Variants in COL18A1 observed in about 807,000 individuals in gnomAD.
COL18A1 encodes the protein collagen type XVIII alpha 1 chain, also known as collagen alpha-1(XVIII) chain.
Under a neutral mutation model 168.0 loss-of-function variants are expected in COL18A1, and 133 were observed. That is an observed-to-expected ratio of 0.79 (90% CI 0.69 to 0.91). The LOEUF (loss-of-function observed/expected upper bound fraction) is 0.91. Ranked by LOEUF, COL18A1 falls within the 40% of genes least tolerant of loss-of-function variation. The pLI is 0.00. For synonymous variants in COL18A1, 949 were observed against 809.0 expected, an observed-to-expected ratio of 1.17 and a Z score of -2.94; for missense variants, 2,126 against 1,925.4, an observed-to-expected ratio of 1.10 and a Z score of -1.95.
chr21:45,497,688 G>A (rs769006867), intron 32 of COL18A1, 27 bp downstream of exon 32: 3 of 1,555,606 alleles, frequency 1.9e-6, no homozygotes, highest in South Asian at 1.2e-5. Flanking sequence ...ATCCCAGGCA[G>A]GAGAGCCATG....
chr21:45,448,490 T>C (rs566052593), intron 2 of COL18A1, among the ~76,000 whole-genome samples: 1 of 152,244 alleles, frequency 6.6e-6, no homozygotes, highest in Non-Finnish European at 1.5e-5. Flanking sequence ...CAGATATCCA[T>C]GCATGCATGT....
chr21:45,455,459 G>C, intron 2 of COL18A1: 1 of 1,595,788 alleles, frequency 6.3e-7, no homozygotes, highest in Non-Finnish European at 8.5e-7. Context: ...GCAGGAGGGC[G>C]TGAGCCTGGC....
chr21:45,488,603 CAG>C (rs1204812193), intron 18 of COL18A1, among the ~76,000 whole-genome samples, 159 bp downstream of exon 18: 1 of 152,126 alleles, frequency 6.6e-6, no homozygotes, highest in Non-Finnish European at 1.5e-5. Flanking sequence ...AAAAGCCTGA[CAG>C]GGAAATAATC....
In COL18A1 at chr21:45,489,594, A is replaced by G. The variant is rs1485342139; in HGVS notation, c.1959+73A>G. 5.9e-6 allele frequency: 6 copies of G among 1,024,330 alleles called. No homozygotes were observed. In the Admixed American group the frequency reaches 1.3e-4, roughly 22 times the overall value. 63.5% of individuals were successfully genotyped at this position (1,024,330 alleles called of 1,614,324 possible). A position where few individuals can be genotyped will look rare whatever the true frequency, so the allele number is the denominator to read the frequency against. On this transcript the variant is annotated intron_variant, in intron 19 of 41. Coordinates refer to ENST00000651438, the MANE Select transcript of COL18A1 (RefSeq NM_001379500.1). ...AGGGCCCAGCCGGACACCTGCGGAG[A>G]TCAGCTCGGGGCGGCCTTCCCCGCT... is the stretch of plus-strand genomic sequence containing the variant.
chr21:45,488,462 C>G lies in COL18A1; in HGVS notation c.1923+18C>G, dbSNP rs2036191197. 1.9e-6 allele frequency: 3 copies of G among 1,613,892 alleles called. No homozygotes were observed. Among genetic ancestry groups the G allele is most frequent in the Non-Finnish European group, 2.5e-6 (3 of 1,179,986 alleles). ...GACTTAAGGTCAGTGACGGATATGTCTGGGTTTCTGTGGTTGCTGGCTTGG... is the reference window on the plus strand; with the variant it reads ...GACTTAAGGTCAGTGACGGATATGTGTGGGTTTCTGTGGTTGCTGGCTTGG... On this transcript the variant is annotated intron_variant, in intron 18 of 41. Transcript: ENST00000651438.
rs1436760116 is a variant in COL18A1 at position 45,510,949 on chromosome 21, ACAACACCC to A, written c.3694-159_3694-152del. Among the ~76,000 whole-genome samples, 100 of 46,024 alleles carry A rather than the reference ACAACACCC, an allele frequency of 2.2e-3. 2 individuals carry two copies. The highest frequency in any genetic ancestry group is 0.012 in the African/African-American group (96 of 8,138). The allele number at this position is 46,024 out of a possible 152,430, so 30.2% of individuals were successfully genotyped here. On this transcript the variant is annotated intron_variant, in intron 40 of 41. Coordinates refer to ENST00000651438, the MANE Select transcript of COL18A1 (RefSeq NM_001379500.1). ...CCACCCCCCAAAAAAACACACACCC[ACAACACCC>A]CACATACACCCCCAAACACCCCCCA...
intron 15 of COL18A1, among the ~76,000 whole-genome samples, chr21:45,485,180 T>A (rs970648462): frequency 3.7e-5 from 5 of 134,108 alleles, no homozygotes; most frequent in Admixed American, 2.2e-4. Context: ...TTTTTTTTTT[T>A]AGTAGAGGCA....
chr21:45,510,868 G>A (rs902361062), intron 40 of COL18A1, among the ~76,000 whole-genome samples: 4 of 152,092 alleles, frequency 2.6e-5, no homozygotes, highest in African/African-American at 9.7e-5. Flanking sequence ...TGCCTGGCCA[G>A]GCCTGGCTCC....
At chr21:45,505,774 T>C in intron 36 of COL18A1, 64 bp from the exon 37 acceptor site, 1 of 1,265,252 alleles carries the variant, frequency 7.9e-7, no homozygotes, top group Non-Finnish European at 1.1e-6. Context: ...GGGCATTCCT[T>C]CCTTCCGCCC....
rs1049480844 is a variant in COL18A1, at chr21:45,467,276, G to C, written c.107-966G>C. On this transcript the variant is annotated intron_variant, in intron 2 of 41. Coordinates refer to ENST00000651438, the MANE Select transcript of COL18A1 (RefSeq NM_001379500.1). ...GCTTGGGCTCCCTGGGCGAGGGATG[G>C]ACAGGGCTCCTTCTGACCCTGGGCT... 7 of 985,342 alleles carry C rather than the reference G, an allele frequency of 7.1e-6. No homozygotes were observed. The South Asian group carries it at 3.3e-4, about 46-fold the overall frequency. The allele number at this position is 985,342 out of a possible 1,614,324, so 61.0% of individuals were successfully genotyped here. A position where few individuals can be genotyped will look rare whatever the true frequency, so the allele number is the denominator to read the frequency against.
rs1602329964 is a variant in COL18A1 at position 45,411,770 on chromosome 21, GGGGGGGCA to G, written c.106+6300_106+6307del. Among the ~76,000 whole-genome samples, 6 of 136,726 alleles carry G rather than the reference GGGGGGGCA, an allele frequency of 4.4e-5. 1 individual carries two copies. The East Asian group carries it at 1.0e-3, about 23-fold the overall frequency. The allele number at this position is 136,726 out of a possible 152,430, so 89.7% of individuals were successfully genotyped here. On this transcript the variant is annotated intron_variant, in intron 2 of 41. Transcript: ENST00000651438. ...GTCAGGGCTGATGGCGGGGGGTGGG[GGGGGGGCA>G]GGCTGTGGTCAGGGACCTGCAGGAG... is the stretch of plus-strand genomic sequence containing the variant.
At chr21:45,493,037 AGGGGCCCT>A (rs1271212414) in intron 24 of COL18A1, 118 bp from the exon 25 acceptor site, 6 of 996,948 alleles carry the variant, frequency 6.0e-6, no homozygotes, top group Non-Finnish European at 7.7e-6. Flanking sequence ...TGGGGCCGCG[AGGGGCCCT>A]GGTCGGGCTG....
Position 45,486,936 on chromosome 21 carries a change from C to T in COL18A1, c.1777C>T (p.Pro593Ser), listed in dbSNP as rs2036134515. ...GLAGAPGPAG[P>S]PGPPGPPGPP... is the part of the protein sequence containing the mutation. ...GGCAGGAGCCCCCGGACCTGCTGGA[C>T]CACCAGGCCCCCCTGGGCCCCCTGG... is the stretch of plus-strand genomic sequence containing the variant. The change falls in exon 16 of 42, where the codon CCA (proline) becomes TCA (serine). Residue 593 changes from proline (P) to serine (S), a missense_variant. Physicochemically the swap from Pro to Ser is moderately conservative, Grantham distance 74. Transcript: ENST00000651438. The T allele has an allele frequency of 1.3e-6, 2 of 1,503,242 alleles. No homozygotes were observed. The highest frequency in any genetic ancestry group is 5.0e-5 in the East Asian group (2 of 40,320). The allele number at this position is 1,503,242 out of a possible 1,614,324, so 93.1% of individuals were successfully genotyped here.
intron 20 of COL18A1, 132 bp from the exon 21 acceptor site, chr21:45,490,704 G>A: frequency 1.1e-6 from 1 of 943,936 alleles, no homozygotes; most frequent in Non-Finnish European, 1.7e-6. Context: ...GGCTCTTGGT[G>A]GCTGCCTCCC....
chr21:45,483,172 T>C (rs865778800), intron 15 of COL18A1, among the ~76,000 whole-genome samples: 46 of 152,224 alleles, frequency 3.0e-4, no homozygotes, highest in African/African-American at 1.0e-3. Flanking sequence ...GAGGAGGGGC[T>C]GGGCCACAGC....
rs2036432065 is a variant in COL18A1 at position 45,493,559 on chromosome 21, C to T, written c.2336C>T (p.Ala779Val). 1.9e-6 allele frequency: 3 copies of T among 1,555,774 alleles called. No homozygotes were observed. Among genetic ancestry groups the T allele is most frequent in the Non-Finnish European group, 2.6e-6 (3 of 1,150,306 alleles). ...FSPDGGALGP[A>V]QKGAKGEPGF... is the part of the protein sequence containing the mutation. ...CCCGACGGCGGTGCCCTGGGCCCTG[C>T]CCAGAAAGGAGCCAAGGTGAGGGCC... Residue 779 changes from alanine to valine, a missense_variant, in exon 26 of 42, where the codon GCC (alanine) becomes GTC (valine). By Grantham distance (64) the Ala-to-Val change is moderately conservative. Transcript: ENST00000651438.
Position 45,511,234 on chromosome 21 carries a change from C to G in COL18A1, c.3809+8C>G. 1 of 1,488,062 alleles carries G rather than the reference C, an allele frequency of 6.7e-7. No individual in the cohort carries two copies. The highest frequency in any genetic ancestry group is 1.4e-5 in the African/African-American group (1 of 72,300). The allele number at this position is 1,488,062 out of a possible 1,614,324, so 92.2% of individuals were successfully genotyped here. On this transcript the variant is annotated splice_region_variant and intron_variant, in intron 41 of 41. Transcript: ENST00000651438. ...CCTGAGGCACCCCACCTGGTAGGTT[C>G]CCAGTGCCGTGTGAGCAGCTCTGAG...
chr21:45,450,078 G>T (rs1569295284), intron 2 of COL18A1, among the ~76,000 whole-genome samples: 1 of 152,166 alleles, frequency 6.6e-6, no homozygotes, highest in African/African-American at 2.4e-5. Flanking sequence ...CTGCCTGGGG[G>T]CGTGCCCATG....
intron 2 of COL18A1, among the ~76,000 whole-genome samples, chr21:45,452,406 G>A (rs188934832): frequency 8.7e-5 from 13 of 149,776 alleles, no homozygotes; most frequent in South Asian, 2.2e-4. Flanking sequence ...CATGTGTGAC[G>A]TGTGTGTATA....
Sources: allele counts gnomAD v4.1 joint callset (sites outside exome capture counted in the v4.1 genomes callset), GRCh38; gene constraint gnomAD v4.1.1; transcripts MANE v1.5; gene names NCBI Gene and HGNC (gene_info 2026-07-23, HGNC 2026-07-21).